THOC2: variants seen among roughly 807,000 people sequenced by gnomAD.
THOC2 encodes the protein THO complex subunit 2.
A neutral mutation model predicts 128.4 loss-of-function variants in THOC2; 10 were observed. The ratio of observed to expected loss-of-function variants is 0.08; its 90% CI spans 0.05 to 0.13. The LOEUF is 0.13. Ranked by LOEUF, THOC2 falls within the 10% of genes least tolerant of loss-of-function variation. THOC2 has a pLI of 1.00. For synonymous variants in THOC2, 393 were observed against 396.9 expected (o/e 0.99, Z 0.12); for missense variants, 535 against 1,155.7 (o/e 0.46, Z 7.79).
At chrX:123,681,503 C>T (rs921223288) in intron 8 of THOC2, among the ~76,000 whole-genome samples, 13 of 111,340 alleles carry the variant, frequency 1.2e-4, no homozygotes, top group African/African-American at 4.2e-4. Flanking sequence ...AAATATTTTG[C>T]CTTTAGACCT....
At chrX:123,627,019 T>C (rs1414700539) in intron 23 of THOC2, among the ~76,000 whole-genome samples, 4 of 112,495 alleles carry the variant, frequency 3.6e-5, no homozygotes, top group Non-Finnish European at 5.6e-5. Flanking sequence ...GCCACCTAGC[T>C]GGTCTTTAGC....
intron 8 of THOC2, among the ~76,000 whole-genome samples, chrX:123,672,060 A>AT (rs1450290883): frequency 8.9e-6 from 1 of 112,308 alleles, no homozygotes; most frequent in East Asian, 2.8e-4. Flanking sequence ...CATAAGTGAG[A>AT]TTTTATAATG....
At chrX:123,638,241 T>C (rs2047751281) in intron 17 of THOC2, 118 bp from the exon 18 acceptor site, 2 of 431,607 alleles carry the variant, frequency 4.6e-6, no homozygotes, top group Non-Finnish European at 7.9e-6. Flanking sequence ...TTTCTAGTTT[T>C]CCAAGACCAG....
At chrX:123,632,812 T>C (rs2047537030) in intron 21 of THOC2, 49 bp downstream of exon 21, 4 of 1,040,453 alleles carry the variant, frequency 3.8e-6, no homozygotes, top group Non-Finnish European at 5.3e-6. Flanking sequence ...TATCCTCCTT[T>C]AACAGGATTA....
chrX:123,667,508 T>C (rs2049095280), intron 10 of THOC2, among the ~76,000 whole-genome samples: 1 of 111,177 alleles, frequency 9.0e-6, no homozygotes, highest in East Asian at 2.8e-4. Context: ...GAGGCTGAGG[T>C]AGGCAGATCA....
At chrX:123,679,688 G>A (rs2049666837) in intron 8 of THOC2, among the ~76,000 whole-genome samples, 1 of 112,012 alleles carries the variant, frequency 8.9e-6, no homozygotes, top group Non-Finnish European at 1.9e-5. Context: ...TACTGCGTCT[G>A]TGTAGAAAGA....
At chrX:123,692,691 A>G (rs1426072186) in intron 7 of THOC2, among the ~76,000 whole-genome samples, 1 of 109,942 alleles carries the variant, frequency 9.1e-6, no homozygotes, top group African/African-American at 3.3e-5. Context: ...TAGTAGAGAC[A>G]GGGTTTTACC....
chrX:123,717,928 G>A (rs1438941166), intron 1 of THOC2, among the ~76,000 whole-genome samples: 1 of 112,450 alleles, frequency 8.9e-6, no homozygotes, highest in Non-Finnish European at 1.9e-5. Context: ...TCAACCAACT[G>A]TAGATAGAAA....
At chrX:123,727,086 TGCACCTGTA>T (rs1461345005) in intron 1 of THOC2, among the ~76,000 whole-genome samples, 2 of 110,251 alleles carry the variant, frequency 1.8e-5, no homozygotes, top group East Asian at 5.7e-4. Flanking sequence ...CATGGTGGCA[TGCACCTGTA>T]GCCCTAGCAA....
chrX:123,665,642 C>T lies in THOC2; in HGVS notation c.1386G>A (p.Glu462=), dbSNP rs2147798028. 8.9e-7 allele frequency: 1 copy of T among 1,123,183 alleles called. No individual in the cohort carries two copies. Among genetic ancestry groups the T allele is most frequent in the Non-Finnish European group, 1.2e-6 (1 of 844,577 alleles). The allele number at this position is 1,123,183 out of a possible 1,213,427, so 92.6% of individuals were successfully genotyped here. The part of the protein sequence containing the change: ...VVRIGKSFMK[E]FQSDGSKQED... ...GGTTTGTAAGAAAAATCTTACTTAC[C>T]TCCTTCATAAATGACTTGCCTATGC... Residue 462 remains glutamate (E), a splice_region_variant and synonymous_variant, in exon 12 of 39, where the codon GAG becomes GAA. Transcript: ENST00000245838.
chrX:123,723,344 C>A (rs1157324066), intron 1 of THOC2, among the ~76,000 whole-genome samples: 1 of 111,665 alleles, frequency 9.0e-6, no homozygotes, highest in Admixed American at 9.6e-5. Context: ...TCATACACTG[C>A]TGGTGGGAGT....
At chrX:123,624,779 A>G (rs2047200579) in intron 25 of THOC2, 110 bp from the exon 26 acceptor site, 1 of 717,646 alleles carries the variant, frequency 1.4e-6, no homozygotes, top group East Asian at 3.4e-5. Flanking sequence ...AGCCTAGTCA[A>G]AATGTATATT....
intron 7 of THOC2, among the ~76,000 whole-genome samples, chrX:123,689,803 T>C (rs1179376660): frequency 9.0e-6 from 1 of 111,454 alleles, no homozygotes; most frequent in East Asian, 2.8e-4. Flanking sequence ...AATCAGTAAG[T>C]TTGAATATCC....
intron 38 of THOC2, among the ~76,000 whole-genome samples, chrX:123,605,631 A>G (rs987534632): frequency 9.0e-6 from 1 of 111,520 alleles, no homozygotes; most frequent in Middle Eastern, 4.2e-3. Context: ...TCAATGTTGC[A>G]CTTATACAGA....
At chrX:123,625,394 G>A (rs979459907) in intron 25 of THOC2, among the ~76,000 whole-genome samples, 1 of 111,898 alleles carries the variant, frequency 8.9e-6, no homozygotes. Context: ...CACCGCACCC[G>A]GCCACATTAT....
At chrX:123,726,347 AAAAAAGAAAAAGAGG>A (rs1383382480) in intron 1 of THOC2, among the ~76,000 whole-genome samples, 1 of 111,003 alleles carries the variant, frequency 9.0e-6, no homozygotes, top group Non-Finnish European at 1.9e-5. Flanking sequence ...AGAAAAAGAG[AAAAAAGAAAAAGAGG>A]AAAGGAAAAG....
At chrX:123,659,569 C>CA (rs1177667894) in intron 12 of THOC2, among the ~76,000 whole-genome samples, 107 of 107,037 alleles carry the variant, frequency 1.0e-3, no homozygotes, top group Admixed American at 8.1e-3. Context: ...GACTACGTCT[C>CA]AAAAAAAAAC....
chrX:123,681,858 G>A (rs998616706), intron 8 of THOC2, among the ~76,000 whole-genome samples: 3 of 111,612 alleles, frequency 2.7e-5, no homozygotes, highest in Admixed American at 1.9e-4. Flanking sequence ...TCGGGAATTC[G>A]GGACCAGCCT....
intron 8 of THOC2, among the ~76,000 whole-genome samples, chrX:123,683,082 G>GTTTTAGATTTTGGAATTTTT (rs1427303571): frequency 9.0e-6 from 1 of 111,373 alleles, no homozygotes; most frequent in Non-Finnish European, 1.9e-5. Context: ...GACCAGAAGT[G>GTTTTAGATTTTGGAATTTTT]TTTTAGATTT....
Sources: allele counts gnomAD v4.1 joint callset (sites outside exome capture counted in the v4.1 genomes callset), GRCh38; gene constraint gnomAD v4.1.1; transcripts MANE v1.5; gene names NCBI Gene and HGNC (gene_info 2026-07-23, HGNC 2026-07-21).